CPQ: variants seen among roughly 807,000 people sequenced by gnomAD.
CPQ encodes the protein carboxypeptidase Q, also known as Ser-Met dipeptidase.
A neutral mutation model predicts 45.7 loss-of-function variants in CPQ; 37 were observed. The ratio of observed to expected loss-of-function variants is 0.81; its 90% CI spans 0.62 to 1.07. CPQ has a LOEUF of 1.07. Among genes scored for constraint, CPQ ranks in the 50% least tolerant of loss-of-function variants. CPQ has a pLI of 0.00. For synonymous variants in CPQ, 186 were observed against 205.8 expected, an observed-to-expected ratio of 0.90 and a Z score of 0.82; for missense variants, 537 against 572.9, an observed-to-expected ratio of 0.94 and a Z score of 0.64.
At chr8:97,135,566 T>C (rs1328121023) in intron 7 of CPQ, among the ~76,000 whole-genome samples, 2 of 152,160 alleles carry the variant, frequency 1.3e-5, no homozygotes, top group African/African-American at 2.4e-5. Flanking sequence ...ATTTTAAATG[T>C]ATTTTTAGTA....
intron 1 of CPQ, among the ~76,000 whole-genome samples, chr8:96,710,033 G>A (rs1267527117): frequency 1.3e-5 from 2 of 151,714 alleles, no homozygotes; most frequent in East Asian, 3.9e-4. Context: ...TTTTGTTGTT[G>A]GCAATTTTTA....
At chr8:97,051,770 A>T (rs981493869) in intron 6 of CPQ, among the ~76,000 whole-genome samples, 17 of 152,120 alleles carry the variant, frequency 1.1e-4, no homozygotes, top group African/African-American at 4.1e-4. Context: ...GCCTAATATT[A>T]TTTACCTTAT....
At chr8:96,880,082 A>G in intron 4 of CPQ, 77 bp downstream of exon 4, 1 of 1,315,898 alleles carries the variant, frequency 7.6e-7, no homozygotes, top group African/African-American at 1.5e-5. Context: ...TTTGGGAAAG[A>G]GAGAACGTGA....
At chr8:97,065,799 A>G (rs549232020) in intron 6 of CPQ, among the ~76,000 whole-genome samples, 2 of 152,166 alleles carry the variant, frequency 1.3e-5, no homozygotes, top group Admixed American at 6.5e-5. Context: ...TTTCAAGCCA[A>G]CTCTTGAGTT....
At chr8:97,086,818 C>T (rs550939600) in intron 7 of CPQ, among the ~76,000 whole-genome samples, 1 of 152,132 alleles carries the variant, frequency 6.6e-6, no homozygotes, top group Admixed American at 6.5e-5. Context: ...ACTGTACTGT[C>T]TCATATTAAT....
chr8:96,923,548 C>A (rs1812835977), intron 4 of CPQ, among the ~76,000 whole-genome samples: 1 of 152,270 alleles, frequency 6.6e-6, no homozygotes, highest in Admixed American at 6.5e-5. Flanking sequence ...GTAACACACT[C>A]TTCTTTGTCC....
At chr8:96,820,091 C>T (rs1377627806) in intron 2 of CPQ, among the ~76,000 whole-genome samples, 2 of 152,058 alleles carry the variant, frequency 1.3e-5, no homozygotes, top group Non-Finnish European at 2.9e-5. Context: ...AGGACATGAA[C>T]AAAGTGAATT....
rs1020787892 is a variant in CPQ at position 96,699,598 on chromosome 8, CAT to C, written c.-35+54208_-35+54209del. ...CTTTATCAAAATATTTTATGTAACG[CAT>C]ATATATATATACCTACTATGTACCC... On this transcript the variant is annotated intron_variant, in intron 1 of 7. Coordinates refer to ENST00000220763, the MANE Select transcript of CPQ (RefSeq NM_016134.4). Among the ~76,000 whole-genome samples the C allele has an allele frequency of 2.4e-3, 363 of 151,078 alleles. 2 individuals are homozygous for C. The highest frequency in any genetic ancestry group is 7.9e-3 in the African/African-American group (327 of 41,264).
intron 6 of CPQ, among the ~76,000 whole-genome samples, chr8:97,048,282 T>C (rs1444541875): frequency 6.6e-6 from 1 of 152,190 alleles, no homozygotes; most frequent in African/African-American, 2.4e-5. Flanking sequence ...GGAGCAATTA[T>C]AAAGGAAAGT....
intron 1 of CPQ, among the ~76,000 whole-genome samples, chr8:96,659,097 T>C (rs1815669611): frequency 6.6e-6 from 1 of 152,216 alleles, no homozygotes; most frequent in Non-Finnish European, 1.5e-5. Flanking sequence ...GCTCAGTTAG[T>C]ATTAGCCACT....
At chr8:96,853,584 T>G (rs906010525) in intron 3 of CPQ, among the ~76,000 whole-genome samples, 1 of 151,562 alleles carries the variant, frequency 6.6e-6, no homozygotes. Context: ...TTTTGGTCAA[T>G]ATTTGGTTCA....
intron 5 of CPQ, among the ~76,000 whole-genome samples, chr8:97,026,735 T>C (rs1809805842): frequency 6.6e-6 from 1 of 152,220 alleles, no homozygotes; most frequent in Non-Finnish European, 1.5e-5. Flanking sequence ...CCAACTATGC[T>C]GTTGTTGTGT....
intron 2 of CPQ, among the ~76,000 whole-genome samples, chr8:96,789,517 T>C (rs1218546041): frequency 6.6e-6 from 1 of 152,216 alleles, no homozygotes; most frequent in East Asian, 1.9e-4. Flanking sequence ...TATGCTTAGG[T>C]TCCTTTAGAC....
At chr8:96,997,810 T>G (rs1338782763) in intron 5 of CPQ, among the ~76,000 whole-genome samples, 1 of 152,044 alleles carries the variant, frequency 6.6e-6, no homozygotes, top group African/African-American at 2.4e-5. Context: ...AGCTCACAGT[T>G]ATTGAGAACA....
intron 1 of CPQ, among the ~76,000 whole-genome samples, chr8:96,685,143 C>CAAAAAACAAAAAA (rs1809209810): frequency 8.1e-5 from 3 of 37,070 alleles, no homozygotes; most frequent in Non-Finnish European, 1.4e-4. Context: ...AAACAAAAAA[C>CAAAAAACAAAAAA]AGAGTTAGCT....
chr8:96,946,057 A>G (rs758815408), intron 4 of CPQ, among the ~76,000 whole-genome samples: 3 of 152,110 alleles, frequency 2.0e-5, no homozygotes, highest in Admixed American at 2.0e-4. Context: ...CCTGCTTTCT[A>G]TGATGCTGGT....
intron 4 of CPQ, among the ~76,000 whole-genome samples, chr8:96,905,991 C>T (rs1156883039): frequency 6.6e-6 from 1 of 152,068 alleles, no homozygotes; most frequent in Non-Finnish European, 1.5e-5. Context: ...TTGAGGTATT[C>T]CATTGTCTAG....
intron 4 of CPQ, among the ~76,000 whole-genome samples, chr8:96,902,399 C>T (rs1812522683): frequency 6.6e-6 from 1 of 152,156 alleles, no homozygotes; most frequent in African/African-American, 2.4e-5. Flanking sequence ...TGACTTCAAA[C>T]CTCGATAGAC....
At chr8:96,933,942 G>A (rs540746023) in intron 4 of CPQ, among the ~76,000 whole-genome samples, 1 of 152,292 alleles carries the variant, frequency 6.6e-6, no homozygotes, top group African/African-American at 2.4e-5. Flanking sequence ...ATAGTGCTAC[G>A]TACCGCTACC....
Sources: gnomAD v4.1 joint callset for allele counts (sites outside exome capture counted in the v4.1 genomes callset) on GRCh38, gnomAD v4.1.1 for gene constraint, MANE v1.5 for transcripts, NCBI Gene and HGNC (gene_info 2026-07-23, HGNC 2026-07-21) for gene names.